Variants in NTN1 observed in about 807,000 individuals in gnomAD.
NTN1 encodes the protein netrin 1.
A neutral mutation model predicts 54.2 loss-of-function variants in NTN1; 11 were observed. That is an observed-to-expected ratio of 0.20 (90% CI 0.13 to 0.34). The LOEUF is 0.34. NTN1 is among the 10% of genes least tolerant of loss of function. The probability of loss-of-function intolerance (pLI) is 1.00; values close to 1 mark genes in which losing one functional copy is unlikely to be tolerated. For synonymous variants in NTN1, 371 were observed against 382.0 expected (o/e 0.97, Z 0.33); for missense variants, 740 against 893.1 (o/e 0.83, Z 2.18).
In NTN1 at chr17:9,243,281, G is replaced by A. The variant is rs1906284445; in HGVS notation, c.*3313G>A. On this transcript the variant is annotated 3_prime_UTR_variant, in exon 7 of 7. Coordinates refer to ENST00000173229, the MANE Select transcript of NTN1 (RefSeq NM_004822.3). Reference sequence around the variant, plus strand: ...CCTGGGGTCACAACCCAGGGAGGGAGGGTCACAGCCCAGGGAGGCTGGGAG... The same window carrying A: ...CCTGGGGTCACAACCCAGGGAGGGAAGGTCACAGCCCAGGGAGGCTGGGAG... The A allele has an allele frequency of 6.6e-6, 1 of 151,912 alleles. No individual in the cohort carries two copies. 9.4% of individuals were successfully genotyped at this position (151,912 alleles called of 1,614,324 possible). A position where few individuals can be genotyped will look rare whatever the true frequency, so the allele number is the denominator to read the frequency against.
intron 2 of NTN1, among the ~76,000 whole-genome samples, chr17:9,047,489 G>A (rs560232217): frequency 6.6e-6 from 1 of 152,120 alleles, no homozygotes; most frequent in South Asian, 2.1e-4. Flanking sequence ...CTCGTCATCT[G>A]TTCAGGTTTT....
intron 2 of NTN1, among the ~76,000 whole-genome samples, chr17:9,099,223 T>G (rs1238322435): frequency 6.6e-6 from 1 of 152,170 alleles, no homozygotes; most frequent in Admixed American, 6.6e-5. Context: ...GACCAACATG[T>G]TGAAACCCTG....
intron 2 of NTN1, among the ~76,000 whole-genome samples, chr17:9,082,282 A>G (rs2092073888): frequency 6.6e-6 from 1 of 152,202 alleles, no homozygotes; most frequent in Admixed American, 6.5e-5. Flanking sequence ...GCTGGTCTCA[A>G]ACTCCTGACC....
At chr17:9,150,290 A>G (rs887158268) in intron 2 of NTN1, among the ~76,000 whole-genome samples, 1 of 152,226 alleles carries the variant, frequency 6.6e-6, no homozygotes, top group African/African-American at 2.4e-5. Context: ...TTGTCCTGAA[A>G]GGCAAGAAAG....
rs531846712 is a variant in NTN1, at chr17:9,182,030, T to G, written c.1358-886T>G. 5.9e-5 allele frequency among the ~76,000 whole-genome samples: 9 copies of G among 152,268 alleles called. No individual in the cohort carries two copies. In the East Asian group the frequency reaches 1.7e-3, roughly 29 times the overall value. ...TCTTGCTCTGTTGCCCAGGCTGGAG[T>G]GCAGTGGTACCATCATAGCTCACTG... On this transcript the variant is annotated intron_variant, in intron 4 of 6. Transcript: ENST00000173229.
intron 2 of NTN1, among the ~76,000 whole-genome samples, chr17:9,077,183 A>G (rs1015942912): frequency 2.6e-5 from 4 of 152,340 alleles, no homozygotes; most frequent in South Asian, 4.1e-4. Context: ...TCCAGCCCCA[A>G]TTCTCCAGTT....
chr17:9,155,445 G>C (rs1190362101), intron 2 of NTN1, among the ~76,000 whole-genome samples: 1 of 151,646 alleles, frequency 6.6e-6, no homozygotes, highest in African/African-American at 2.4e-5. Context: ...GGGTTCAAGC[G>C]ATTCTCCTGC....
the NTN1 span, among the ~76,000 whole-genome samples, chr17:9,014,895 T>C: frequency 6.6e-6 from 1 of 152,178 alleles, no homozygotes; most frequent in Non-Finnish European, 1.5e-5. Context: ...AGCTCCAAAC[T>C]CTGGACCTAG....
the NTN1 span, among the ~76,000 whole-genome samples, chr17:9,013,376 C>A: frequency 5.9e-5 from 9 of 151,910 alleles, no homozygotes; most frequent in Admixed American, 4.6e-4. Flanking sequence ...GCCACCACAC[C>A]CGGCTTATTT....
chr17:9,027,317 G>T (rs1339422260), intron 2 of NTN1, among the ~76,000 whole-genome samples: 3 of 152,124 alleles, frequency 2.0e-5, no homozygotes, highest in African/African-American at 7.2e-5. Context: ...CATTAATTTA[G>T]ACATTTAATC....
At chr17:9,058,637 C>CAAAAAAAAAAAAAAA (rs3053457) in intron 2 of NTN1, among the ~76,000 whole-genome samples, 22 of 58,904 alleles carry the variant, frequency 3.7e-4, no homozygotes, top group Admixed American at 5.8e-4. Context: ...GGTAGGCACT[C>CAAAAAAAAAAAAAAA]AAAAAAAAAA....
At chr17:9,163,082 T>C in intron 3 of NTN1, 81 bp downstream of exon 3, 1 of 1,405,820 alleles carries the variant, frequency 7.1e-7, no homozygotes, top group South Asian at 1.4e-5. Flanking sequence ...CTTCCTTTTC[T>C]ATTTTCTTCC....
rs544513067 is a variant in NTN1 at position 9,114,806 on chromosome 17, C to T, written c.1019-48007C>T. The stretch of plus-strand genomic sequence containing the variant: ...ATAAAAGTGGGATGAAAGATGTTAC[C>T]AGTATAAACTGTTGGGCAGCACTTC... On this transcript the variant is annotated intron_variant, in intron 2 of 6. Transcript: ENST00000173229. 5.1e-4 allele frequency among the ~76,000 whole-genome samples: 77 copies of T among 152,256 alleles called. 1 individual carries two copies. In the South Asian group the frequency reaches 0.016, roughly 32 times the overall value.
chr17:9,006,649 T>G, the NTN1 span, among the ~76,000 whole-genome samples: 2 of 152,190 alleles, frequency 1.3e-5, no homozygotes, highest in Non-Finnish European at 2.9e-5. Flanking sequence ...TGATGGGAAA[T>G]GAAGGTTCAT....
intron 6 of NTN1, among the ~76,000 whole-genome samples, chr17:9,225,536 G>A (rs982970114): frequency 1.1e-4 from 17 of 152,222 alleles, no homozygotes; most frequent in Admixed American, 1.1e-3. Context: ...GGGCTCTGCT[G>A]GCGTCTGTGG....
At chr17:9,090,152 C>G (rs1007938367) in intron 2 of NTN1, among the ~76,000 whole-genome samples, 3 of 151,286 alleles carry the variant, frequency 2.0e-5, no homozygotes, top group Non-Finnish European at 4.4e-5. Context: ...AGGAGCCGGG[C>G]TACCAAACTC....
At chr17:9,058,446 T>A (rs750660911) in intron 2 of NTN1, among the ~76,000 whole-genome samples, 9 of 150,398 alleles carry the variant, frequency 6.0e-5, no homozygotes, top group African/African-American at 1.2e-4. Flanking sequence ...GTGTAGGGAA[T>A]TATGTACGTT....
chr17:9,103,808 G>A (rs1042186800), intron 2 of NTN1, among the ~76,000 whole-genome samples: 6 of 151,926 alleles, frequency 3.9e-5, no homozygotes, highest in African/African-American at 1.4e-4. Context: ...GTACTAGGCT[G>A]GGTGCTGTGG....
chr17:9,069,810 GT>G (rs1379937989), intron 2 of NTN1, among the ~76,000 whole-genome samples: 1 of 152,146 alleles, frequency 6.6e-6, no homozygotes, highest in Non-Finnish European at 1.5e-5. Flanking sequence ...ACATTTAAAG[GT>G]TTCATCTCCT....
Sources: allele counts gnomAD v4.1 joint callset (sites outside exome capture counted in the v4.1 genomes callset), GRCh38; gene constraint gnomAD v4.1.1; transcripts MANE v1.5; gene names NCBI Gene and HGNC (gene_info 2026-07-23, HGNC 2026-07-21).